The following CAMK1D variants were observed in gnomAD, a reference collection of about 807,000 sequenced individuals.
CAMK1D encodes the protein calcium/calmodulin dependent protein kinase ID.
A neutral mutation model predicts 47.7 loss-of-function variants in CAMK1D; 9 were observed. The observed-to-expected ratio is 0.19, with a 90% CI of 0.11 to 0.33. The LOEUF (loss-of-function observed/expected upper bound fraction) is 0.33. Among genes scored for constraint, CAMK1D ranks in the 10% least tolerant of loss-of-function variants. The probability of loss-of-function intolerance (pLI) is 1.00; values close to 1 mark genes in which losing one functional copy is unlikely to be tolerated. For missense variants in CAMK1D, 291 were observed against 488.7 expected, an observed-to-expected ratio of 0.60 and a Z score of 3.81; for synonymous variants, 184 against 184.9, an observed-to-expected ratio of 0.99 and a Z score of 0.04.
At position 12,465,546 on chromosome 10, in the gene CAMK1D, C is replaced by T. The variant is rs149070778; in HGVS notation, c.93-87679C>T. Among the ~76,000 whole-genome samples, 1,026 of 152,128 alleles carry T rather than the reference C, an allele frequency of 6.7e-3. 16 individuals carry two copies. Among genetic ancestry groups the T allele is most frequent in the East Asian group, 0.028 (144 of 5,164 alleles). On this transcript the variant is annotated intron_variant, in intron 1 of 10. Coordinates refer to ENST00000619168, the MANE Select transcript of CAMK1D (RefSeq NM_153498.4). ...ATTTTTGTATTTTTAGTAGAGATGG[C>T]GTTTCACCATGTTGGCCAGGCTGGT...
intron 3 of CAMK1D, among the ~76,000 whole-genome samples, chr10:12,697,374 G>T (rs1319836616): frequency 6.6e-6 from 1 of 152,156 alleles, no homozygotes; most frequent in African/African-American, 2.4e-5. Context: ...TGGAGCAGCA[G>T]CGTCGCTAAG....
At chr10:12,482,406 C>T (rs976089191) in intron 1 of CAMK1D, among the ~76,000 whole-genome samples, 5 of 152,148 alleles carry the variant, frequency 3.3e-5, no homozygotes, top group African/African-American at 1.2e-4. Flanking sequence ...CACCCGGTAG[C>T]CAAAATGGAG....
At chr10:12,559,810 C>T (rs1427820846) in intron 2 of CAMK1D, among the ~76,000 whole-genome samples, 4 of 151,954 alleles carry the variant, frequency 2.6e-5, no homozygotes, top group African/African-American at 7.3e-5. Flanking sequence ...AGGGTGTGGT[C>T]GAGTCAGCAC....
At chr10:12,714,233 A>G (rs554653119) in intron 3 of CAMK1D, among the ~76,000 whole-genome samples, 9 of 152,128 alleles carry the variant, frequency 5.9e-5, no homozygotes, top group Non-Finnish European at 1.0e-4. Context: ...CCCCGTAGGC[A>G]TAGACATATT....
At chr10:12,646,977 G>A (rs1839827187) in intron 2 of CAMK1D, among the ~76,000 whole-genome samples, 1 of 146,640 alleles carries the variant, frequency 6.8e-6, no homozygotes, top group African/African-American at 2.6e-5. Flanking sequence ...GAGTAGCTGG[G>A]ATTATAGGGC....
At chr10:12,502,748 G>T (rs1834744206) in intron 1 of CAMK1D, among the ~76,000 whole-genome samples, 1 of 152,240 alleles carries the variant, frequency 6.6e-6, no homozygotes, top group African/African-American at 2.4e-5. Context: ...TGGAGAGAGG[G>T]TGAAGGCAGA....
rs773076177 is a variant in CAMK1D, at chr10:12,553,359, A to G, written c.224+3A>G. 3.7e-6 allele frequency: 6 copies of G among 1,607,198 alleles called. No individual in the cohort carries two copies. Among genetic ancestry groups the G allele is most frequent in the Admixed American group, 3.3e-5 (2 of 59,984 alleles). On this transcript the variant is annotated splice_donor_region_variant and intron_variant, in intron 2 of 10. Coordinates refer to ENST00000619168, the MANE Select transcript of CAMK1D (RefSeq NM_153498.4). ...AATGAGATAGCCGTCCTGAGAAAGT[A>G]AGTGCTGGAGGGCAACCCTCCTCCC...
At position 12,504,108 on chromosome 10, in the gene CAMK1D, GGTGTGTGTGTGTGTGTGTGTCT is replaced by G. The variant is rs1190965132; in HGVS notation, c.93-49096_93-49075del. Among the ~76,000 whole-genome samples, 8 of 147,752 alleles carry G rather than the reference GGTGTGTGTGTGTGTGTGTGTCT, an allele frequency of 5.4e-5. No homozygotes were observed. In the East Asian group the frequency reaches 1.3e-3, roughly 24 times the overall value. The stretch of plus-strand genomic sequence containing the variant: ...AAACATAAACGGAACCAATAAGATG[GGTGTGTGTGTGTGTGTGTGTCT>G]GTGTGTGTGTGTGTGTGTGTGATGT... On this transcript the variant is annotated intron_variant, in intron 1 of 10. Coordinates refer to ENST00000619168, the MANE Select transcript of CAMK1D (RefSeq NM_153498.4).
rs75861697 is a variant in CAMK1D, at chr10:12,384,840, A to G, written c.92+34930A>G. 7.3e-3 allele frequency among the ~76,000 whole-genome samples: 1,111 copies of G among 152,362 alleles called. 21 individuals are homozygous for G. Among genetic ancestry groups the G allele is most frequent in the African/African-American group, 0.025 (1,051 of 41,576 alleles). ...GTGCATCAAAGGATACCATCAAGAC[A>G]GTGAAAAGACACCTCACAGAGTGGG... is the stretch of plus-strand genomic sequence containing the variant. On this transcript the variant is annotated intron_variant, in intron 1 of 10. Coordinates refer to ENST00000619168, the MANE Select transcript of CAMK1D (RefSeq NM_153498.4).
At chr10:12,408,428 C>T (rs1447565342) in intron 1 of CAMK1D, among the ~76,000 whole-genome samples, 6 of 152,168 alleles carry the variant, frequency 3.9e-5, no homozygotes, top group African/African-American at 1.4e-4. Context: ...CCGCCTCGGC[C>T]TCCCAAAGTG....
intron 1 of CAMK1D, among the ~76,000 whole-genome samples, chr10:12,402,913 G>A (rs10906144): frequency 0.25 from 38,710 of 151,854 alleles, 5,514 homozygotes; most frequent in East Asian, 0.32. Context: ...GCAGAATTGC[G>A]TGGATTGGAG....
chr10:12,470,787 G>A (rs1254900195), intron 1 of CAMK1D, among the ~76,000 whole-genome samples: 2 of 152,218 alleles, frequency 1.3e-5, no homozygotes, highest in Non-Finnish European at 2.9e-5. Context: ...AAAGTGCTGA[G>A]ATTACAGGCG....
intron 1 of CAMK1D, among the ~76,000 whole-genome samples, chr10:12,419,743 T>G (rs1036698526): frequency 1.3e-5 from 2 of 152,118 alleles, no homozygotes; most frequent in African/African-American, 4.8e-5. Flanking sequence ...TTTCAGCTTC[T>G]TAGGACTTTG....
rs75530035 is a variant in CAMK1D, at chr10:12,514,802, G to A, written c.93-38423G>A. Among the ~76,000 whole-genome samples the A allele has an allele frequency of 2.2e-3, 334 of 152,328 alleles. 5 individuals carry two copies. The highest frequency in any genetic ancestry group is 7.7e-3 in the African/African-American group (320 of 41,582). Reference sequence around the variant, plus strand: ...CAATGTGTGGTACATGGCTAGTGCCGTGTATTTACTGGTATACGTTTATAG... The same window carrying A: ...CAATGTGTGGTACATGGCTAGTGCCATGTATTTACTGGTATACGTTTATAG... On this transcript the variant is annotated intron_variant, in intron 1 of 10. Transcript: ENST00000619168.
intron 2 of CAMK1D, among the ~76,000 whole-genome samples, chr10:12,584,909 A>G (rs1478947450): frequency 6.6e-6 from 1 of 152,204 alleles, no homozygotes; most frequent in Non-Finnish European, 1.5e-5. Flanking sequence ...TTGGAATATC[A>G]CATTGCTTCC....
At chr10:12,416,920 G>A (rs1341562782) in intron 1 of CAMK1D, among the ~76,000 whole-genome samples, 1 of 152,134 alleles carries the variant, frequency 6.6e-6, no homozygotes, top group Admixed American at 6.5e-5. Flanking sequence ...AAACCTTCCG[G>A]TGCTAGCGAT....
intron 5 of CAMK1D, among the ~76,000 whole-genome samples, chr10:12,770,811 G>A (rs60114718): frequency 0.012 from 1,818 of 152,188 alleles, 36 homozygotes; most frequent in East Asian, 0.081. Context: ...CAGTTTGTGC[G>A]AAAGCCTGAA....
intron 2 of CAMK1D, among the ~76,000 whole-genome samples, chr10:12,606,119 G>A (rs1217916301): frequency 6.6e-6 from 1 of 152,232 alleles, no homozygotes; most frequent in Non-Finnish European, 1.5e-5. Flanking sequence ...GTTGAAAGCA[G>A]CCAGAATAAC....
chr10:12,437,016 G>A (rs992586278), intron 1 of CAMK1D, among the ~76,000 whole-genome samples: 1 of 152,114 alleles, frequency 6.6e-6, no homozygotes, highest in African/African-American at 2.4e-5. Context: ...CTTCCTGGGG[G>A]GTGGGCACAC....
Sources: gnomAD v4.1 joint callset for allele counts (sites outside exome capture counted in the v4.1 genomes callset) on GRCh38, gnomAD v4.1.1 for gene constraint, MANE v1.5 for transcripts, NCBI Gene and HGNC (gene_info 2026-07-23, HGNC 2026-07-21) for gene names.